SOHLH2: variants seen among roughly 807,000 people sequenced by gnomAD.
SOHLH2 encodes spermatogenesis- and oogenesis-specific basic helix-loop-helix-containing protein 2.
In SOHLH2, 22 loss-of-function variants were observed where a neutral mutation model predicts 50.4. The observed-to-expected ratio is 0.44, with a 90% CI of 0.31 to 0.62. The LOEUF (loss-of-function observed/expected upper bound fraction) is 0.62. Ranked by LOEUF, SOHLH2 falls within the 20% of genes least tolerant of loss-of-function variation. The pLI is 0.08. For synonymous variants in SOHLH2, 185 were observed against 187.3 expected, an observed-to-expected ratio of 0.99 and a Z score of 0.10; for missense variants, 412 against 504.4, an observed-to-expected ratio of 0.82 and a Z score of 1.76.
intron 2 of SOHLH2, among the ~76,000 whole-genome samples, chr13:36,199,549 T>C (rs1047717463): frequency 2.6e-5 from 4 of 152,246 alleles, no homozygotes; most frequent in African/African-American, 7.2e-5. Context: ...CCACAAATTA[T>C]TTGTTTTCTT....
In SOHLH2 at chr13:36,180,482, A is replaced by C. The variant is rs568198711; in HGVS notation, c.642-5613T>G. ...TTGCATTCTCTTTTTTTAAATTTAA[A>C]GTTCCAGGATACATGTGCAGTACAT... is the stretch of plus-strand genomic sequence containing the variant. On this transcript the variant is annotated intron_variant, in intron 6 of 10. Transcript: ENST00000379881. Among the ~76,000 whole-genome samples, 32 of 152,236 alleles carry C rather than the reference A, an allele frequency of 2.1e-4. 1 individual carries two copies. In the South Asian group the frequency reaches 6.2e-3, roughly 30 times the overall value.
At chr13:36,214,305 G>A (rs1010697516) in intron 1 of SOHLH2, among the ~76,000 whole-genome samples, 174 bp downstream of exon 1, 2 of 152,016 alleles carry the variant, frequency 1.3e-5, no homozygotes, top group African/African-American at 4.8e-5. Context: ...AGCTCGGGGC[G>A]CCGGGGGAGA....
At chr13:36,191,035 C>T (rs1887556953) in intron 5 of SOHLH2, among the ~76,000 whole-genome samples, 1 of 152,146 alleles carries the variant, frequency 6.6e-6, no homozygotes, top group East Asian at 1.9e-4. Context: ...CAGTTATGTC[C>T]ATTCTTTGTA....
chr13:36,172,451 T>C (rs965477322), intron 9 of SOHLH2, among the ~76,000 whole-genome samples: 3 of 152,188 alleles, frequency 2.0e-5, no homozygotes, highest in Non-Finnish European at 4.4e-5. Flanking sequence ...TCTTTGGTGA[T>C]ATGAAGAATC....
chr13:36,169,450 A>C (rs1188982890), intron 10 of SOHLH2, among the ~76,000 whole-genome samples: 3 of 152,198 alleles, frequency 2.0e-5, no homozygotes, highest in Non-Finnish European at 4.4e-5. Context: ...TTGGAAGGTC[A>C]CTATTATTCC....
chr13:36,208,419 T>G (rs946372251), intron 1 of SOHLH2, among the ~76,000 whole-genome samples: 2 of 152,176 alleles, frequency 1.3e-5, no homozygotes, highest in African/African-American at 4.8e-5. Context: ...ATTTTGTTAC[T>G]CAAATTACTC....
intron 1 of SOHLH2, among the ~76,000 whole-genome samples, chr13:36,205,252 T>C (rs555077737): frequency 6.6e-6 from 1 of 152,286 alleles, no homozygotes; most frequent in Admixed American, 6.5e-5. Context: ...CCAGAACTTA[T>C]GCCTTTTATT....
chr13:36,206,703 T>C (rs1868784496), intron 1 of SOHLH2, among the ~76,000 whole-genome samples: 1 of 151,940 alleles, frequency 6.6e-6, no homozygotes, highest in African/African-American at 2.4e-5. Flanking sequence ...TTGTTAATTC[T>C]TTCTTTGCTT....
intron 6 of SOHLH2, among the ~76,000 whole-genome samples, chr13:36,183,376 A>G (rs1887313181): frequency 6.6e-6 from 1 of 152,246 alleles, no homozygotes; most frequent in African/African-American, 2.4e-5. Flanking sequence ...TTTTAAGGGC[A>G]TAATATCAAT....
chr13:36,198,610 A>C (rs1026197928), intron 2 of SOHLH2, among the ~76,000 whole-genome samples: 1 of 152,214 alleles, frequency 6.6e-6, no homozygotes, highest in Non-Finnish European at 1.5e-5. Flanking sequence ...TTCTTGAGAA[A>C]GTCTGTAAAG....
At chr13:36,183,303 A>C (rs1222859475) in intron 6 of SOHLH2, 1 of 181,578 alleles carries the variant, frequency 5.5e-6, no homozygotes, top group African/African-American at 2.3e-5. Context: ...ACATATGTAA[A>C]AGTAAAATGT....
intron 1 of SOHLH2, among the ~76,000 whole-genome samples, chr13:36,211,109 C>A (rs1869092113): frequency 6.6e-6 from 1 of 152,098 alleles, no homozygotes; most frequent in Non-Finnish European, 1.5e-5. Flanking sequence ...TTTAATTAAC[C>A]TGATTAATTG....
chr13:36,190,027 A>C lies in SOHLH2; in HGVS notation c.560T>G (p.Leu187Arg), dbSNP rs769278893. ...CSESLRNGNGLELNASLSEFE... is the reference protein window; with the variant it reads ...CSESLRNGNGRELNASLSEFE... Reference sequence around the variant, plus strand: ...CTCTGACAACGAAGCATTTAATTCAAGCCCATTGCCATTCCTTAAAGATTC... The same window carrying C: ...CTCTGACAACGAAGCATTTAATTCACGCCCATTGCCATTCCTTAAAGATTC... Residue 187 changes from leucine (L) to arginine (R), a missense_variant, in exon 6 of 11, where the codon CTT (leucine) becomes CGT (arginine). By Grantham distance (102) the Leu-to-Arg change is moderately radical. Coordinates refer to ENST00000379881, the MANE Select transcript of SOHLH2 (RefSeq NM_017826.3). 1.2e-5 allele frequency: 19 copies of C among 1,608,064 alleles called. 1 individual carries two copies. The South Asian group carries it at 1.8e-4, about 15-fold the overall frequency.
At chr13:36,175,233 C>T (rs1887068561) in intron 6 of SOHLH2, among the ~76,000 whole-genome samples, 1 of 152,262 alleles carries the variant, frequency 6.6e-6, no homozygotes, top group South Asian at 2.1e-4. Flanking sequence ...GACCACTCTG[C>T]CCTCCGAGCA....
In SOHLH2 at chr13:36,191,913, G is replaced by A; in HGVS notation, c.431-19C>T. 3 of 1,613,296 alleles carry A rather than the reference G, an allele frequency of 1.9e-6. No individual in the cohort carries two copies. The highest frequency in any genetic ancestry group is 2.5e-6 in the Non-Finnish European group (3 of 1,179,444). ...GTCTTAACTGAAAGTTTTGAGAGGG[G>A]AACTATTTATTTCTGAAGTCACTTA... On this transcript the variant is annotated intron_variant, in intron 4 of 10. Transcript: ENST00000379881.
At chr13:36,192,470 G>C (rs1467688445) in intron 4 of SOHLH2, among the ~76,000 whole-genome samples, 1 of 151,978 alleles carries the variant, frequency 6.6e-6, no homozygotes, top group African/African-American at 2.4e-5. Flanking sequence ...GAACCACAAG[G>C]GCTGGGAGCC....
At chr13:36,200,461 G>A (rs982629329) in intron 2 of SOHLH2, among the ~76,000 whole-genome samples, 1 of 152,074 alleles carries the variant, frequency 6.6e-6, no homozygotes, top group African/African-American at 2.4e-5. Context: ...TTGATGGCTT[G>A]GGCTTCTCAT....
intron 9 of SOHLH2, among the ~76,000 whole-genome samples, chr13:36,173,348 T>A (rs892762922): frequency 2.6e-5 from 4 of 152,072 alleles, no homozygotes; most frequent in African/African-American, 9.7e-5. Context: ...ATGAAGGAGG[T>A]AAATAAATAT....
At chr13:36,176,555 G>A (rs1396620079) in intron 6 of SOHLH2, among the ~76,000 whole-genome samples, 1 of 151,946 alleles carries the variant, frequency 6.6e-6, no homozygotes, top group African/African-American at 2.4e-5. Flanking sequence ...GATAGCTTGG[G>A]GATGGGACCC....
Sources: gnomAD v4.1 joint callset for allele counts (sites outside exome capture counted in the v4.1 genomes callset) on GRCh38, gnomAD v4.1.1 for gene constraint, MANE v1.5 for transcripts, NCBI Gene and HGNC (gene_info 2026-07-23, HGNC 2026-07-21) for gene names.